The following USP53 variants were observed in gnomAD, a reference collection of about 807,000 sequenced individuals.
USP53 encodes ubiquitin specific peptidase 53.
A neutral mutation model predicts 94.9 loss-of-function variants in USP53; 71 were observed. The ratio of observed to expected loss-of-function variants is 0.75; its 90% CI spans 0.62 to 0.91. The LOEUF is 0.91. USP53 is among the 40% of genes least tolerant of loss of function. The pLI, the probability that USP53 is intolerant of heterozygous loss-of-function variation, is 0.00. For missense variants in USP53, 1,173 were observed against 1,281.0 expected, an observed-to-expected ratio of 0.92 and a Z score of 1.29; for synonymous variants, 375 against 422.7, an observed-to-expected ratio of 0.89 and a Z score of 1.39.
intron 17 of USP53, among the ~76,000 whole-genome samples, chr4:119,289,465 G>A (rs994336813): frequency 3.3e-5 from 5 of 152,080 alleles, no homozygotes; most frequent in Admixed American, 6.6e-5. Flanking sequence ...AAAGGGTCTC[G>A]GAGACCTCCC....
Position 119,268,278 on chromosome 4 carries a change from G to A in USP53, c.1146G>A (p.Lys382=). The change falls in exon 14 of 19, where the codon AAG becomes AAA. Residue 382 remains lysine (K), a synonymous_variant. Coordinates refer to ENST00000692078, the MANE Select transcript of USP53 (RefSeq NM_001371395.1). ...KSVAENMGCE[K]PVIHKSDNLK... Reference sequence around the variant, plus strand: ...GCTTCTCTTTTTAAGGATGTGAAAAGCCTGTAATTCATAAGTCAGATAATT... The same window carrying A: ...GCTTCTCTTTTTAAGGATGTGAAAAACCTGTAATTCATAAGTCAGATAATT... 1 of 1,611,152 alleles carries A rather than the reference G, an allele frequency of 6.2e-7. No individual in the cohort carries two copies. The highest frequency in any genetic ancestry group is 8.5e-7 in the Non-Finnish European group (1 of 1,178,794).
intron 17 of USP53, among the ~76,000 whole-genome samples, chr4:119,280,876 C>G (rs1753436223): frequency 6.6e-6 from 1 of 152,168 alleles, no homozygotes; most frequent in South Asian, 2.1e-4. Flanking sequence ...CTTAAAACTT[C>G]AAACCCGAAG....
chr4:119,243,844 G>C (rs1399427627), intron 5 of USP53, among the ~76,000 whole-genome samples: 1 of 144,770 alleles, frequency 6.9e-6, no homozygotes, highest in Admixed American at 7.0e-5. Context: ...GTCTGAGAAG[G>C]AAAGTTATTT....
At position 119,293,254 on chromosome 4, in the gene USP53, C is replaced by A; in HGVS notation, c.*43C>A. 2.0e-6 allele frequency: 3 copies of A among 1,524,778 alleles called. No homozygotes were observed. In the South Asian group the frequency reaches 3.9e-5, roughly 20 times the overall value. 94.5% of individuals were successfully genotyped at this position (1,524,778 alleles called of 1,614,324 possible). A position where few individuals can be genotyped will look rare whatever the true frequency, so the allele number is the denominator to read the frequency against. On this transcript the variant is annotated 3_prime_UTR_variant, in exon 19 of 19. Coordinates refer to ENST00000692078, the MANE Select transcript of USP53 (RefSeq NM_001371395.1). ...CCTGTGTTACATAATAATCTTGGTTCAAGCTGCCCTTCTGAACAAAGATAT... is the reference window on the plus strand; with the variant it reads ...CCTGTGTTACATAATAATCTTGGTTAAAGCTGCCCTTCTGAACAAAGATAT...
intron 12 of USP53, 85 bp from the exon 13 acceptor site, chr4:119,267,235 T>C: frequency 7.4e-7 from 1 of 1,345,016 alleles, no homozygotes. Context: ...TTTAAAAATA[T>C]AAAGTAACTC....
intron 9 of USP53, among the ~76,000 whole-genome samples, chr4:119,257,812 A>G (rs1749974044): frequency 6.6e-6 from 1 of 152,204 alleles, no homozygotes; most frequent in Non-Finnish European, 1.5e-5. Context: ...GTCGTCAGTC[A>G]TTTTTTTAAA....
chr4:119,245,786 C>T (rs1168249414), intron 6 of USP53, among the ~76,000 whole-genome samples: 1 of 152,162 alleles, frequency 6.6e-6, no homozygotes, highest in South Asian at 2.1e-4. Flanking sequence ...AAAAATCCCT[C>T]TTCTCATAGA....
intron 13 of USP53, among the ~76,000 whole-genome samples, chr4:119,267,894 G>A (rs528841090): frequency 7.2e-5 from 11 of 152,278 alleles, no homozygotes; most frequent in Non-Finnish European, 1.2e-4. Context: ...TGGGCCGGGC[G>A]CGGTGGCTCA....
intron 3 of USP53, among the ~76,000 whole-genome samples, chr4:119,233,443 A>G (rs1489497189): frequency 6.6e-6 from 1 of 151,990 alleles, no homozygotes; most frequent in African/African-American, 2.4e-5. Context: ...AGAGATATTT[A>G]TTTATTTCCC....
chr4:119,226,242 T>C (rs1745236054), intron 3 of USP53, among the ~76,000 whole-genome samples: 1 of 152,228 alleles, frequency 6.6e-6, no homozygotes, highest in Non-Finnish European at 1.5e-5. Flanking sequence ...AATGATTTCA[T>C]CTCAGATTGG....
rs751784555 is a variant in USP53, at chr4:119,292,775, A to G, written c.2786A>G (p.Tyr929Cys). 1.2e-6 allele frequency: 2 copies of G among 1,614,068 alleles called. No individual in the cohort carries two copies. The highest frequency in any genetic ancestry group is 2.2e-5 in the South Asian group (2 of 91,072). Reference protein sequence around the residue: ...NLPPPLPPKKYAITSVPQSEK... With the variant: ...NLPPPLPPKKCAITSVPQSEK... ...CCACCCCCTTTGCCACCAAAGAAATATGCTATAACCAGTGTGCCACAGTCA... is the reference window on the plus strand; with the variant it reads ...CCACCCCCTTTGCCACCAAAGAAATGTGCTATAACCAGTGTGCCACAGTCA... The change falls in exon 19 of 19, where the codon TAT becomes TGT. Residue 929 changes from tyrosine (Y) to cysteine (C), a missense_variant. Coordinates refer to ENST00000692078, the MANE Select transcript of USP53 (RefSeq NM_001371395.1).
chr4:119,241,743 G>A (rs1747575575), intron 5 of USP53, among the ~76,000 whole-genome samples: 1 of 151,988 alleles, frequency 6.6e-6, no homozygotes, highest in Admixed American at 6.6e-5. Context: ...GGGTCTGTGC[G>A]TTTTGGATTT....
chr4:119,231,214 T>C (rs1746029522), intron 3 of USP53, among the ~76,000 whole-genome samples: 1 of 152,148 alleles, frequency 6.6e-6, no homozygotes. Context: ...AACATAAAAT[T>C]ATAGGAATTC....
At chr4:119,232,455 G>A (rs983531484) in intron 3 of USP53, among the ~76,000 whole-genome samples, 1 of 152,132 alleles carries the variant, frequency 6.6e-6, no homozygotes, top group East Asian at 1.9e-4. Flanking sequence ...TCATGTCATA[G>A]TATGTGTCAC....
At chr4:119,280,354 G>A (rs183836348) in intron 17 of USP53, among the ~76,000 whole-genome samples, 1 of 152,082 alleles carries the variant, frequency 6.6e-6, no homozygotes, top group East Asian at 1.9e-4. Context: ...TCTGTCTATG[G>A]TGGCTTGTTA....
At position 119,292,857 on chromosome 4, in the gene USP53, T is replaced by C. The variant is rs773147457; in HGVS notation, c.2868T>C (p.Ser956=). Residue 956 remains serine, a synonymous_variant, in exon 19 of 19, where the codon TCT becomes TCC. Coordinates refer to ENST00000692078, the MANE Select transcript of USP53 (RefSeq NM_001371395.1). The part of the protein sequence containing the change: ...VKLTEVFKAT[S]HLPKHSLSTA... ...TTACAGAGGTGTTTAAAGCTACCTC[T>C]CATCTTCCGAAGCACAGTTTAAGTA... The C allele has an allele frequency of 6.2e-7, 1 of 1,614,108 alleles. No individual in the cohort carries two copies. The highest frequency in any genetic ancestry group is 1.1e-5 in the South Asian group (1 of 91,086).
At chr4:119,276,740 T>C (rs1257056358) in intron 17 of USP53, among the ~76,000 whole-genome samples, 2 of 124,380 alleles carry the variant, frequency 1.6e-5, no homozygotes, top group Non-Finnish European at 3.3e-5. Context: ...GGACTCTTTT[T>C]GGTTGGTAAA....
intron 17 of USP53, among the ~76,000 whole-genome samples, chr4:119,281,967 C>G (rs1753558266): frequency 6.6e-6 from 1 of 152,090 alleles, no homozygotes; most frequent in Admixed American, 6.5e-5. Context: ...TTAAACAGCT[C>G]CCCATTCTCC....
At chr4:119,241,277 C>A (rs1453151430) in intron 5 of USP53, among the ~76,000 whole-genome samples, 2 of 152,024 alleles carry the variant, frequency 1.3e-5, no homozygotes, top group Non-Finnish European at 2.9e-5. Context: ...TGACATTTAC[C>A]ATGAAGACTG....
Sources: gnomAD v4.1 joint callset for allele counts (sites outside exome capture counted in the v4.1 genomes callset) on GRCh38, gnomAD v4.1.1 for gene constraint, MANE v1.5 for transcripts, NCBI Gene and HGNC (gene_info 2026-07-23, HGNC 2026-07-21) for gene names.